FAM83G: variants seen among roughly 807,000 people sequenced by gnomAD.
FAM83G encodes protein FAM83G.
In FAM83G, 38 loss-of-function variants were observed where a neutral mutation model predicts 61.5. The observed-to-expected ratio is 0.62, with a 90% confidence interval of 0.48 to 0.81. The LOEUF is 0.81. Among genes scored for constraint, FAM83G ranks in the 30% least tolerant of loss-of-function variants. The pLI, the probability that FAM83G is intolerant of heterozygous loss-of-function variation, is 0.00. For missense variants in FAM83G, 989 were observed against 1,133.6 expected, an observed-to-expected ratio of 0.87 and a Z score of 1.83; for synonymous variants, 470 against 476.1, an observed-to-expected ratio of 0.99 and a Z score of 0.17.
At chr17:18,993,522 AGAG>A (rs1192182294) in intron 2 of FAM83G, among the ~76,000 whole-genome samples, 4 of 152,078 alleles carry the variant, frequency 2.6e-5, no homozygotes, top group Admixed American at 2.0e-4. Context: ...CGGCTCAGAG[AGAG>A]GAGAGAGGCG....
chr17:18,976,468 A>C, intron 5 of FAM83G: 1 of 178,050 alleles, frequency 5.6e-6, no homozygotes, highest in East Asian at 1.5e-4. Flanking sequence ...CTGGCACTAT[A>C]AATGTGCCAG....
At chr17:18,979,909 T>C (rs1157518190) in intron 3 of FAM83G, among the ~76,000 whole-genome samples, 1 of 151,954 alleles carries the variant, frequency 6.6e-6, no homozygotes, top group South Asian at 2.1e-4. Flanking sequence ...TACAAAGGGG[T>C]TGGCATAAGA....
chr17:18,992,709 C>T (rs944945614), intron 2 of FAM83G, among the ~76,000 whole-genome samples: 3 of 152,214 alleles, frequency 2.0e-5, no homozygotes, highest in African/African-American at 4.8e-5. Context: ...TCAGTTTCTT[C>T]ACCTGTCAAA....
chr17:18,999,193 G>A (rs1457030607), intron 2 of FAM83G, among the ~76,000 whole-genome samples: 5 of 152,066 alleles, frequency 3.3e-5, no homozygotes, highest in Admixed American at 1.3e-4. Flanking sequence ...CAGGAGAATC[G>A]CTTGAACCCT....
chr17:19,005,664 C>A (rs1302078775), upstream of FAM83G, among the ~76,000 whole-genome samples: 2 of 147,856 alleles, frequency 1.4e-5, no homozygotes, highest in African/African-American at 5.1e-5. Flanking sequence ...CCCTCCAAGG[C>A]CTTCTCCACC....
intron 2 of FAM83G, among the ~76,000 whole-genome samples, chr17:18,990,869 G>C (rs955571705): frequency 6.6e-6 from 1 of 152,210 alleles, no homozygotes; most frequent in Non-Finnish European, 1.5e-5. Context: ...GGGCCCTTGA[G>C]TCCTGTCATG....
At chr17:18,975,455 C>G (rs1045908815) in intron 5 of FAM83G, among the ~76,000 whole-genome samples, 1 of 151,994 alleles carries the variant, frequency 6.6e-6, no homozygotes, top group Non-Finnish European at 1.5e-5. Flanking sequence ...TTTGGGAGGC[C>G]GAGGCGGGCA....
Position 18,970,957 on chromosome 17 carries a change from G to C in FAM83G, c.*402C>G. 1 of 1,553,064 alleles carries C rather than the reference G, an allele frequency of 6.4e-7. No homozygotes were observed. The highest frequency in any genetic ancestry group is 8.9e-7 in the Non-Finnish European group (1 of 1,127,124). On this transcript the variant is annotated 3_prime_UTR_variant, in exon 6 of 6. Transcript: ENST00000388995. Reference sequence around the variant, plus strand: ...TGAGATGAAGGCAGGGGGGAGCCCAGGGAGTCAGGGCCCCGCAACCACCAA... The same window carrying C: ...TGAGATGAAGGCAGGGGGGAGCCCACGGAGTCAGGGCCCCGCAACCACCAA...
intron 3 of FAM83G, among the ~76,000 whole-genome samples, chr17:18,983,988 C>G (rs569734262): frequency 1.8e-4 from 28 of 152,292 alleles, no homozygotes; most frequent in African/African-American, 6.5e-4. Flanking sequence ...GGTAGTACCC[C>G]CAAGGTGGAC....
chr17:19,004,484 T>C lies in FAM83G; in HGVS notation c.-129+225A>G, dbSNP rs1426332108. On this transcript the variant is annotated intron_variant, in intron 1 of 5. Coordinates refer to ENST00000388995, the MANE Select transcript of FAM83G (RefSeq NM_001039999.3). This position sits in a 1 kb window ranked among gnomAD's most constrained non-coding sequence, Gnocchi z 5.4. Reference sequence around the variant, plus strand: ...CTAGGGCAGCCGGGGAACTTCCCAGTAGCTTCTTAGAGTGGGAGGCGGCCC... The same window carrying C: ...CTAGGGCAGCCGGGGAACTTCCCAGCAGCTTCTTAGAGTGGGAGGCGGCCC... Among the ~76,000 whole-genome samples the C allele has an allele frequency of 6.6e-6, 1 of 152,060 alleles. No homozygotes were observed. The highest frequency in any genetic ancestry group is 1.9e-4 in the East Asian group (1 of 5,178).
chr17:18,980,288 C>T (rs977258556), intron 3 of FAM83G, among the ~76,000 whole-genome samples: 1 of 152,160 alleles, frequency 6.6e-6, no homozygotes, highest in African/African-American at 2.4e-5. Context: ...ATGGCCAGGA[C>T]ACCACCCAGC....
Position 19,003,703 on chromosome 17 carries a change from C to T in FAM83G, c.339G>A (p.Pro113=). 1 of 1,605,828 alleles carries T rather than the reference C, an allele frequency of 6.2e-7. No individual in the cohort carries two copies. Among genetic ancestry groups the T allele is most frequent in the Non-Finnish European group, 8.5e-7 (1 of 1,176,098 alleles). The part of the protein sequence containing the change: ...GADGVPIEAE[P]LPSLEYWPQK... ...GGGGCCAGTACTCCAGGGAGGGCAG[C>T]GGCTCGGCCTCGATGGGGACCCCAT... The change falls in exon 2 of 6, where the codon CCG becomes CCA. Residue 113 remains proline, a synonymous_variant. Transcript: ENST00000388995. The surrounding 1 kb of genome is among the most constrained non-coding windows in gnomAD (Gnocchi z 4.5).
At chr17:18,973,404 C>T (rs751675525) in intron 5 of FAM83G, among the ~76,000 whole-genome samples, 50 of 152,350 alleles carry the variant, frequency 3.3e-4, no homozygotes, top group Middle Eastern at 3.4e-3. Context: ...CTGCTGACCC[C>T]AGGTGGTTCA....
At position 18,978,772 on chromosome 17, in the gene FAM83G, C is replaced by A. The variant is rs1437088304; in HGVS notation, c.894G>T (p.Arg298=). 1.2e-6 allele frequency: 2 copies of A among 1,612,850 alleles called. No homozygotes were observed. The highest frequency in any genetic ancestry group is 2.7e-5 in the African/African-American group (2 of 74,888). Residue 298 remains arginine, a synonymous_variant, in exon 5 of 6, where the codon CGG becomes CGT. Coordinates refer to ENST00000388995, the MANE Select transcript of FAM83G (RefSeq NM_001039999.3). ...ACATGAGGTACAGCTCCTGGAACTG[C>A]CGGTCAAACATCTCCACCACCTGGC... is the stretch of plus-strand genomic sequence containing the variant. ...LSGQVVEMFD[R]QFQELYLMSH...
chr17:18,993,393 G>T lies in FAM83G; in HGVS notation c.523-4979C>A, dbSNP rs2043480387. 2.0e-5 allele frequency among the ~76,000 whole-genome samples: 3 copies of T among 152,214 alleles called. No individual in the cohort carries two copies. The South Asian group carries it at 6.2e-4, about 31-fold the overall frequency. On this transcript the variant is annotated intron_variant, in intron 2 of 5. Transcript: ENST00000388995. ...ACTTGCGTATTTCTTCTCAGGCACA[G>T]CAATGGAGTCTCCCAAGGACTGAGT...
chr17:18,972,488 T>G (rs1004663441), intron 5 of FAM83G, among the ~76,000 whole-genome samples: 1 of 152,098 alleles, frequency 6.6e-6, no homozygotes, highest in African/African-American at 2.4e-5. Flanking sequence ...TTTTCCGTGG[T>G]TCCCGACTCT....
Position 18,978,012 on chromosome 17 carries a change from C to T in FAM83G, c.1654G>A (p.Ala552Thr), listed in dbSNP as rs751321977. ...RLPRMAGPGH[A>T]PLQRQLSVTQ... is the part of the protein sequence containing the mutation. The stretch of plus-strand genomic sequence containing the variant: ...ACAGATAGCTGCCGCTGGAGTGGGG[C>T]GTGGCCTGGGCCTGCCATCCTGGGT... Residue 552 changes from alanine (A) to threonine (T), a missense_variant, in exon 5 of 6, where the codon GCC (alanine) becomes ACC (threonine). Physicochemically the swap from Ala to Thr is moderately conservative, Grantham distance 58. Transcript: ENST00000388995. 4.5e-6 allele frequency: 7 copies of T among 1,553,450 alleles called. No individual in the cohort carries two copies. Among genetic ancestry groups the T allele is most frequent in the Non-Finnish European group, 4.3e-6 (5 of 1,150,018 alleles).
intron 2 of FAM83G, among the ~76,000 whole-genome samples, chr17:18,992,597 G>T (rs1298058993): frequency 6.6e-6 from 1 of 152,224 alleles, no homozygotes; most frequent in African/African-American, 2.4e-5. Context: ...CTCAGCCCCA[G>T]CCAGAGCCCC....
intron 3 of FAM83G, among the ~76,000 whole-genome samples, chr17:18,985,029 A>G (rs1363451644): frequency 6.6e-6 from 1 of 152,066 alleles, no homozygotes; most frequent in Non-Finnish European, 1.5e-5. Flanking sequence ...GCGTTTCGAG[A>G]GTGTGTTGGT....
Sources: allele counts gnomAD v4.1 joint callset (sites outside exome capture counted in the v4.1 genomes callset), GRCh38; gene constraint gnomAD v4.1.1; non-coding constraint Gnocchi (gnomAD v3.1); transcripts MANE v1.5; gene names NCBI Gene and HGNC (gene_info 2026-07-23, HGNC 2026-07-21).